The following THADA variants were observed in gnomAD, a reference collection of about 807,000 sequenced individuals.
THADA encodes tRNA (32-2'-O)-methyltransferase regulator THADA.
A neutral mutation model predicts 219.8 loss-of-function variants in THADA; 213 were observed. The observed-to-expected ratio is 0.97, with a 90% CI of 0.87 to 1.09. The LOEUF is 1.09. Ranked by LOEUF, THADA falls within the 50% of genes least tolerant of loss-of-function variation. The pLI, the probability that THADA is intolerant of heterozygous loss-of-function variation, is 0.00. For synonymous variants in THADA, 1,018 were observed against 828.9 expected (o/e 1.23, Z -3.92); for missense variants, 2,956 against 2,311.3 (o/e 1.28, Z -5.72).
At chr2:43,250,174 T>C (rs1669667667) in intron 36 of THADA, among the ~76,000 whole-genome samples, 2 of 152,152 alleles carry the variant, frequency 1.3e-5, no homozygotes, top group South Asian at 4.1e-4. Flanking sequence ...AATGGATGAA[T>C]GGATAAATAA....
At chr2:43,386,897 C>CA (rs548365391) in intron 29 of THADA, among the ~76,000 whole-genome samples, 1,110 of 97,122 alleles carry the variant, frequency 0.011, 18 homozygotes, top group East Asian at 0.075. Context: ...GATTTCCTCT[C>CA]AAAAAAAAAA....
At position 43,247,635 on chromosome 2, in the gene THADA, A is replaced by G. The variant is rs574398353; in HGVS notation, c.5297-14753T>C. Among the ~76,000 whole-genome samples, 4 of 148,862 alleles carry G rather than the reference A, an allele frequency of 2.7e-5. No individual in the cohort carries two copies. In the South Asian group the frequency reaches 8.7e-4, roughly 32 times the overall value. On this transcript the variant is annotated intron_variant, in intron 36 of 37. Transcript: ENST00000405975. ...TCACAGCTACTCGGGAGGCTGAGGC[A>G]CGAGAATCGCTTGAACCCAGGAGGC...
intron 25 of THADA, among the ~76,000 whole-genome samples, chr2:43,498,070 G>GC (rs1688492530): frequency 1.3e-5 from 2 of 151,980 alleles, no homozygotes; most frequent in Admixed American, 6.6e-5. Flanking sequence ...TACACACACA[G>GC]CCCCCCACCC....
At chr2:43,441,167 T>G (rs560554521) in intron 26 of THADA, among the ~76,000 whole-genome samples, 1 of 152,332 alleles carries the variant, frequency 6.6e-6, no homozygotes, top group East Asian at 1.9e-4. Context: ...TTTAAAAATA[T>G]CAAAATTATT....
At chr2:43,585,585 A>C (rs1180719198) in intron 7 of THADA, among the ~76,000 whole-genome samples, 1 of 150,332 alleles carries the variant, frequency 6.7e-6, no homozygotes, top group South Asian at 2.1e-4. Context: ...GATAGAAAGA[A>C]ATACATAATT....
intron 26 of THADA, among the ~76,000 whole-genome samples, chr2:43,474,627 G>A (rs996148894): frequency 4.6e-5 from 7 of 151,976 alleles, no homozygotes; most frequent in Non-Finnish European, 8.8e-5. Context: ...TGGAACCAGC[G>A]GCATAAGAAG....
intron 36 of THADA, among the ~76,000 whole-genome samples, chr2:43,252,471 T>C (rs1196267530): frequency 6.6e-6 from 1 of 152,196 alleles, no homozygotes; most frequent in Non-Finnish European, 1.5e-5. Context: ...CATTTTATAA[T>C]GGGGTATAAC....
intron 28 of THADA, among the ~76,000 whole-genome samples, chr2:43,423,519 G>C (rs1678006589): frequency 6.7e-6 from 1 of 150,270 alleles, no homozygotes; most frequent in South Asian, 2.1e-4. Flanking sequence ...TGCAAGCTCT[G>C]CCTCCTGGGT....
At chr2:43,296,188 G>A (rs1675355893) in intron 31 of THADA, among the ~76,000 whole-genome samples, 3 of 152,004 alleles carry the variant, frequency 2.0e-5, no homozygotes, top group African/African-American at 4.8e-5. Context: ...AAAGTGCTGG[G>A]ATTACAGCGT....
intron 1 of THADA, chr2:43,592,932 T>G (rs548713215): frequency 7.4e-4 from 112 of 152,374 alleles, no homozygotes; most frequent in African/African-American, 2.6e-3. Context: ...GCTATTCTCT[T>G]GAGTTTGCTT....
Position 43,536,429 on chromosome 2 carries a change from T to C in THADA, c.3264+4730A>G, listed in dbSNP as rs145560831. ...AATAACATACATCTCAGGATTTTTA[T>C]AAAGGAAATTAAGATCAAAGTGAAA... is the stretch of plus-strand genomic sequence containing the variant. On this transcript the variant is annotated intron_variant, in intron 21 of 37. Coordinates refer to ENST00000405975, the MANE Select transcript of THADA (RefSeq NM_022065.5). Among the ~76,000 whole-genome samples the C allele has an allele frequency of 8.3e-4, 126 of 152,324 alleles. 3 individuals carry two copies. In the East Asian group the frequency reaches 0.023, roughly 27 times the overall value.
intron 1 of THADA, chr2:43,595,515 G>A (rs779551008): frequency 2.6e-5 from 4 of 152,358 alleles, no homozygotes; most frequent in Non-Finnish European, 4.4e-5. Context: ...AGCAGACTCG[G>A]TAATTATGCC....
chr2:43,433,871 T>TTTCACTAAA (rs1455473545), intron 26 of THADA, among the ~76,000 whole-genome samples: 6 of 152,122 alleles, frequency 3.9e-5, no homozygotes, highest in African/African-American at 7.2e-5. Flanking sequence ...ATATTTTTAG[T>TTTCACTAAA]AGAGATGAGG....
intron 29 of THADA, among the ~76,000 whole-genome samples, chr2:43,390,851 G>C (rs955699196): frequency 5.9e-5 from 9 of 152,124 alleles, no homozygotes; most frequent in Admixed American, 3.9e-4. Context: ...TGAATAAATA[G>C]ATGACATCAA....
chr2:43,593,612 T>G (rs969661434), intron 1 of THADA, among the ~76,000 whole-genome samples: 1 of 151,868 alleles, frequency 6.6e-6, no homozygotes, highest in Non-Finnish European at 1.5e-5. Context: ...GGGAATAGAT[T>G]TATTTGTCTA....
chr2:43,553,281 G>A (rs1334821623), intron 17 of THADA, among the ~76,000 whole-genome samples: 3 of 152,154 alleles, frequency 2.0e-5, no homozygotes, highest in Non-Finnish European at 4.4e-5. Context: ...TGGACTACAT[G>A]TTTGTGCTTC....
intron 30 of THADA, among the ~76,000 whole-genome samples, chr2:43,334,162 C>A (rs116505861): frequency 0.01 from 1,537 of 152,170 alleles, 26 homozygotes; most frequent in African/African-American, 0.036. Flanking sequence ...CCACTCAGCT[C>A]AGTGGGGTCC....
chr2:43,300,461 T>C (rs980841131), intron 31 of THADA, among the ~76,000 whole-genome samples: 2 of 152,012 alleles, frequency 1.3e-5, no homozygotes, highest in East Asian at 3.9e-4. Context: ...AAGGAAAAGG[T>C]AGGTAAAGAG....
intron 30 of THADA, among the ~76,000 whole-genome samples, chr2:43,320,948 G>C (rs1025579637): frequency 1.3e-5 from 2 of 152,204 alleles, no homozygotes; most frequent in African/African-American, 4.8e-5. Context: ...ATCAGATTTA[G>C]TATTGTGGAG....
Sources: gnomAD v4.1 joint callset for allele counts (sites outside exome capture counted in the v4.1 genomes callset) on GRCh38, gnomAD v4.1.1 for gene constraint, MANE v1.5 for transcripts, NCBI Gene and HGNC (gene_info 2026-07-23, HGNC 2026-07-21) for gene names.